The following PDE6A variants were observed in gnomAD, a reference collection of about 807,000 sequenced individuals.
The protein encoded by PDE6A is phosphodiesterase 6A, also known as rod cGMP-specific 3',5'-cyclic phosphodiesterase subunit alpha.
Under a neutral mutation model 106.3 loss-of-function variants are expected in PDE6A, and 84 were observed. The ratio of observed to expected loss-of-function variants is 0.79; its 90% CI spans 0.66 to 0.95. The LOEUF (loss-of-function observed/expected upper bound fraction) is 0.95, where lower values mean the gene tolerates loss of function less well. PDE6A is among the 40% of genes least tolerant of loss of function. PDE6A has a pLI of 0.00. For missense variants in PDE6A, 1,052 were observed against 1,084.9 expected, an observed-to-expected ratio of 0.97 and a Z score of 0.43; for synonymous variants, 394 against 386.6, an observed-to-expected ratio of 1.02 and a Z score of -0.23.
intron 20 of PDE6A, among the ~76,000 whole-genome samples, chr5:149,864,851 A>C (rs1760267866): frequency 6.6e-6 from 1 of 152,196 alleles, no homozygotes. Context: ...TTAAATCAGG[A>C]CAGTAATAAT....
At chr5:149,917,465 G>A (rs998375204) in intron 5 of PDE6A, among the ~76,000 whole-genome samples, 2 of 152,144 alleles carry the variant, frequency 1.3e-5, no homozygotes, top group East Asian at 1.9e-4. Flanking sequence ...TTTGGTTGAC[G>A]GGCAATCAGC....
rs1760231116 is a variant in PDE6A at position 149,863,816 on chromosome 5, G to T, written c.2359-550C>A. On this transcript the variant is annotated intron_variant, in intron 20 of 21. Coordinates refer to ENST00000255266, the MANE Select transcript of PDE6A (RefSeq NM_000440.3). The surrounding 1 kb of genome is among the most constrained non-coding windows in gnomAD (Gnocchi z 4.7). ...TTTTTTTTATTTTTGTAGATACAGG[G>T]TCTCCCTATGTTGCCTAGGCTGGTC... Among the ~76,000 whole-genome samples the T allele has an allele frequency of 6.6e-6, 1 of 152,038 alleles. No individual in the cohort carries two copies. The highest frequency in any genetic ancestry group is 1.5e-5 in the Non-Finnish European group (1 of 68,002).
intron 8 of PDE6A, among the ~76,000 whole-genome samples, chr5:149,903,130 C>A (rs1310823349): frequency 7.5e-5 from 8 of 105,984 alleles, no homozygotes; most frequent in Admixed American, 1.4e-4. Context: ...GCCTGGGCAA[C>A]AGAGTGAGAC....
At chr5:149,920,362 C>A (rs1469088455) in intron 5 of PDE6A, among the ~76,000 whole-genome samples, 1 of 152,222 alleles carries the variant, frequency 6.6e-6, no homozygotes, top group East Asian at 1.9e-4. Context: ...GGGCGGATCA[C>A]CTGAGGTCAG....
intron 13 of PDE6A, among the ~76,000 whole-genome samples, chr5:149,891,994 A>G (rs148000614): frequency 2.4e-4 from 37 of 152,334 alleles, no homozygotes; most frequent in Admixed American, 1.1e-3. Flanking sequence ...GGCTGATGCT[A>G]TAACACTACT....
chr5:149,936,579 C>T (rs939300186), intron 1 of PDE6A, among the ~76,000 whole-genome samples: 18 of 152,318 alleles, frequency 1.2e-4, no homozygotes, highest in South Asian at 2.1e-4. Flanking sequence ...CACCAGAAAG[C>T]TCATTCCCAC....
intron 1 of PDE6A, among the ~76,000 whole-genome samples, chr5:149,936,664 A>T (rs1259196439): frequency 6.6e-6 from 1 of 152,220 alleles, no homozygotes; most frequent in Admixed American, 6.5e-5. Flanking sequence ...GATCATTATC[A>T]TCCCTATATA....
intron 13 of PDE6A, among the ~76,000 whole-genome samples, chr5:149,891,358 T>A (rs948349559): frequency 9.9e-5 from 15 of 152,104 alleles, no homozygotes; most frequent in African/African-American, 3.4e-4. Flanking sequence ...TAATCCCAGC[T>A]ACTGGGGAGG....
Position 149,914,942 on chromosome 5 carries a change from C to G in PDE6A, c.998+1G>C, listed in dbSNP as rs748946491. The G allele has an allele frequency of 6.2e-7, 1 of 1,600,656 alleles. No individual in the cohort carries two copies. Among genetic ancestry groups the G allele is most frequent in the East Asian group, 2.2e-5 (1 of 44,766 alleles). On this transcript the variant is annotated splice_donor_variant, in intron 6 of 21. Transcript: ENST00000255266. LOFTEE classifies it high-confidence loss of function. ...TTTGTCTTTTGACAGGTGAAACTTACGGGATGACTTTGATGTCCTCTTTGC... is the reference window on the plus strand; with the variant it reads ...TTTGTCTTTTGACAGGTGAAACTTAGGGGATGACTTTGATGTCCTCTTTGC...
At chr5:149,896,145 C>T (rs1017846565) in intron 12 of PDE6A, among the ~76,000 whole-genome samples, 3 of 152,174 alleles carry the variant, frequency 2.0e-5, no homozygotes, top group Non-Finnish European at 4.4e-5. Flanking sequence ...AAGAAACCAA[C>T]GCACCCAAAA....
At chr5:149,930,170 G>A (rs1437818048) in intron 4 of PDE6A, among the ~76,000 whole-genome samples, 3 of 152,252 alleles carry the variant, frequency 2.0e-5, no homozygotes, top group African/African-American at 7.2e-5. Context: ...ATGCAGTCCA[G>A]TAATTTTTTA....
intron 20 of PDE6A, among the ~76,000 whole-genome samples, chr5:149,865,252 A>T (rs1581146475): frequency 6.6e-6 from 1 of 151,182 alleles, no homozygotes; most frequent in Non-Finnish European, 1.5e-5. Context: ...AAAAAAAAAA[A>T]AAAAAAATTT....
At chr5:149,921,161 C>T (rs983577015) in intron 5 of PDE6A, among the ~76,000 whole-genome samples, 5 of 152,142 alleles carry the variant, frequency 3.3e-5, no homozygotes, top group African/African-American at 1.2e-4. Flanking sequence ...GAGTAGGTTG[C>T]TTGACCTTTC....
At chr5:149,883,874 A>G (rs1411563165) in intron 16 of PDE6A, among the ~76,000 whole-genome samples, 1 of 152,142 alleles carries the variant, frequency 6.6e-6, no homozygotes, top group Admixed American at 6.6e-5. Context: ...ATTAATTGGA[A>G]CTATGATGTT....
chr5:149,920,458 G>A (rs1400656192), intron 5 of PDE6A, among the ~76,000 whole-genome samples: 1 of 152,144 alleles, frequency 6.6e-6, no homozygotes. Flanking sequence ...GCAGGTGCCT[G>A]TAATCCTAGC....
chr5:149,870,825 A>G (rs1186525291), intron 17 of PDE6A, among the ~76,000 whole-genome samples: 2 of 151,462 alleles, frequency 1.3e-5, no homozygotes, highest in African/African-American at 4.9e-5. Flanking sequence ...AGAATGGCAG[A>G]AAAAGGTCCA....
intron 13 of PDE6A, among the ~76,000 whole-genome samples, chr5:149,887,074 G>A (rs1004532492): frequency 3.3e-5 from 5 of 152,160 alleles, no homozygotes; most frequent in East Asian, 1.9e-4. Flanking sequence ...ATCATGATCT[G>A]GATGGGGAAA....
chr5:149,898,551 T>C, intron 9 of PDE6A, 45 bp from the exon 10 acceptor site: 1 of 1,593,968 alleles, frequency 6.3e-7, no homozygotes, highest in Non-Finnish European at 8.5e-7. Flanking sequence ...ACACCTAAGT[T>C]TAATCTTGAC....
chr5:149,907,593 C>A (rs1753240391), intron 6 of PDE6A, among the ~76,000 whole-genome samples: 1 of 152,176 alleles, frequency 6.6e-6, no homozygotes, highest in African/African-American at 2.4e-5. Context: ...TTACTGTCTG[C>A]CCACCAAGTT....
Sources: gnomAD v4.1 joint callset for allele counts (sites outside exome capture counted in the v4.1 genomes callset) on GRCh38, gnomAD v4.1.1 for gene constraint, Gnocchi (gnomAD v3.1) non-coding constraint, MANE v1.5 for transcripts, NCBI Gene and HGNC (gene_info 2026-07-23, HGNC 2026-07-21) for gene names.